The following GALNT13 variants were observed in gnomAD, a reference collection of about 807,000 sequenced individuals.
The protein encoded by GALNT13 is UDP-GalNAc:polypeptide N-acetylgalactosaminyltransferase 13.
In GALNT13, 28 loss-of-function variants were observed where a neutral mutation model predicts 64.2. That is an observed-to-expected ratio of 0.44 (90% CI 0.32 to 0.60). GALNT13 has a LOEUF of 0.60. Among genes scored for constraint, GALNT13 ranks in the 20% least tolerant of loss-of-function variants. The pLI is 0.05. For missense variants in GALNT13, 577 were observed against 669.8 expected (o/e 0.86, Z 1.53); for synonymous variants, 214 against 224.6 (o/e 0.95, Z 0.42).
intron 3 of GALNT13, among the ~76,000 whole-genome samples, chr2:154,055,459 C>T (rs564902107): frequency 1.4e-4 from 21 of 151,992 alleles, no homozygotes; most frequent in Non-Finnish European, 2.9e-4. Flanking sequence ...AACATTTACA[C>T]TTTAACAGAG....
chr2:153,537,209 T>C, the GALNT13 span, among the ~76,000 whole-genome samples: 31,075 of 152,146 alleles, frequency 0.2, 3,444 homozygotes, highest in Admixed American at 0.32. Flanking sequence ...AGAGGCTGTA[T>C]AGGACATGAA....
chr2:153,892,961 T>C (rs1687648352), intron 1 of GALNT13, among the ~76,000 whole-genome samples: 1 of 152,066 alleles, frequency 6.6e-6, no homozygotes, highest in Non-Finnish European at 1.5e-5. Context: ...CCTAAAGAAA[T>C]TGGTACTTTA....
chr2:153,436,078 G>C, the GALNT13 span, among the ~76,000 whole-genome samples: 1 of 152,118 alleles, frequency 6.6e-6, no homozygotes, highest in African/African-American at 2.4e-5. Context: ...TGCATCTATT[G>C]AGATAATCAT....
At chr2:154,274,789 T>C (rs1489865519) in intron 8 of GALNT13, among the ~76,000 whole-genome samples, 3 of 152,038 alleles carry the variant, frequency 2.0e-5, no homozygotes, top group Non-Finnish European at 4.4e-5. Flanking sequence ...TACCCAAAAA[T>C]GTAGAAGTGA....
At chr2:154,312,798 C>T (rs1694119399) in intron 9 of GALNT13, among the ~76,000 whole-genome samples, 1 of 152,008 alleles carries the variant, frequency 6.6e-6, no homozygotes, top group African/African-American at 2.4e-5. Context: ...TCTCTCCGGG[C>T]CATAACCATG....
intron 1 of GALNT13, among the ~76,000 whole-genome samples, chr2:153,892,215 A>G (rs1345504506): frequency 6.6e-6 from 1 of 152,094 alleles, no homozygotes; most frequent in East Asian, 1.9e-4. Flanking sequence ...ACCAAAGTCC[A>G]TAATACAACC....
intron 12 of GALNT13, among the ~76,000 whole-genome samples, chr2:154,447,094 G>T (rs1218404749): frequency 6.6e-6 from 1 of 151,506 alleles, no homozygotes; most frequent in African/African-American, 2.4e-5. Flanking sequence ...ATGACAACAG[G>T]TTCTGCGTCA....
the GALNT13 span, among the ~76,000 whole-genome samples, chr2:153,181,030 C>CTTTTTTTTTTTTTTTTTTTTTTTTTTTT: frequency 3.1e-5 from 1 of 32,100 alleles, no homozygotes; most frequent in African/African-American, 1.4e-4. Context: ...TTTATTGTTT[C>CTTTTTTTTTTTTTTTTTTTTTTTTTTTT]TTTTTTTTTT....
chr2:154,308,692 T>A (rs1196611542), intron 9 of GALNT13, among the ~76,000 whole-genome samples: 1 of 152,174 alleles, frequency 6.6e-6, no homozygotes, highest in Non-Finnish European at 1.5e-5. Flanking sequence ...TAATACATGC[T>A]TTTTCAGCAG....
the GALNT13 span, among the ~76,000 whole-genome samples, chr2:153,623,881 T>A: frequency 6.6e-6 from 1 of 152,050 alleles, no homozygotes. Context: ...TTAAAGAATG[T>A]TTTTTAGGGA....
At chr2:154,239,445 C>G (rs1281709215) in intron 4 of GALNT13, among the ~76,000 whole-genome samples, 1 of 151,862 alleles carries the variant, frequency 6.6e-6, no homozygotes, top group Non-Finnish European at 1.5e-5. Context: ...CTTTACCTTA[C>G]TCTTGGCTTT....
the GALNT13 span, among the ~76,000 whole-genome samples, chr2:153,603,625 G>GA: frequency 1.3e-5 from 2 of 151,894 alleles, no homozygotes; most frequent in Non-Finnish European, 2.9e-5. Context: ...ACTTTGCTGT[G>GA]AAAATAATTA....
At chr2:154,381,322 C>T (rs1698259158) in intron 9 of GALNT13, among the ~76,000 whole-genome samples, 1 of 152,114 alleles carries the variant, frequency 6.6e-6, no homozygotes, top group South Asian at 2.1e-4. Flanking sequence ...TCTCATTTCC[C>T]CTACCTTTAT....
intron 11 of GALNT13, among the ~76,000 whole-genome samples, chr2:154,417,509 A>ATTTTTTTTTTTTT (rs1202687837): frequency 8.2e-5 from 11 of 133,400 alleles, no homozygotes; most frequent in East Asian, 2.4e-4. Context: ...TTATTTATTT[A>ATTTTTTTTTTTTT]TTTATTTATT....
intron 3 of GALNT13, among the ~76,000 whole-genome samples, chr2:153,950,466 A>G (rs541288394): frequency 2.6e-4 from 40 of 152,194 alleles, no homozygotes; most frequent in African/African-American, 8.7e-4. Flanking sequence ...GATAATACCA[A>G]TTGCTAAAGG....
chr2:154,356,744 T>C (rs897996922), intron 9 of GALNT13, among the ~76,000 whole-genome samples: 1 of 152,152 alleles, frequency 6.6e-6, no homozygotes, highest in East Asian at 1.9e-4. Context: ...TTTCTTTAAA[T>C]TGATTTTCAA....
chr2:153,986,272 A>G (rs1251648857), intron 3 of GALNT13, among the ~76,000 whole-genome samples: 1 of 151,994 alleles, frequency 6.6e-6, no homozygotes, highest in Non-Finnish European at 1.5e-5. Context: ...TAAAATTTTG[A>G]CTTCTAAATC....
At chr2:153,206,349 G>A in the GALNT13 span, among the ~76,000 whole-genome samples, 1 of 151,854 alleles carries the variant, frequency 6.6e-6, no homozygotes. Flanking sequence ...ATGGCTAAAG[G>A]GCTTTTATCA....
At chr2:153,265,341 C>G in the GALNT13 span, among the ~76,000 whole-genome samples, 1 of 152,136 alleles carries the variant, frequency 6.6e-6, no homozygotes, top group Non-Finnish European at 1.5e-5. Flanking sequence ...TGCAGGAACT[C>G]AGGTCTGATG....
Sources: allele counts gnomAD v4.1 joint callset (sites outside exome capture counted in the v4.1 genomes callset), GRCh38; gene constraint gnomAD v4.1.1; transcripts MANE v1.5; gene names NCBI Gene and HGNC (gene_info 2026-07-23, HGNC 2026-07-21).